SPTBN2: variants seen among roughly 807,000 people sequenced by gnomAD.
SPTBN2 encodes the protein spectrin beta chain, non-erythrocytic 2.
SPTBN2 carries 107 observed loss-of-function variants against 284.2 expected under a neutral mutation model. The ratio of observed to expected loss-of-function variants is 0.38; its 90% CI spans 0.32 to 0.44. SPTBN2 has a LOEUF of 0.44. SPTBN2 is among the 20% of genes least tolerant of loss of function. The pLI is 1.00. For missense variants in SPTBN2, 2,569 were observed against 3,287.1 expected (o/e 0.78, Z 5.34); for synonymous variants, 1,289 against 1,354.8 (o/e 0.95, Z 1.07).
chr11:66,720,968 T>G (rs2135558273), intron 3 of SPTBN2, 116 bp downstream of exon 3: 2 of 1,401,944 alleles, frequency 1.4e-6, no homozygotes, highest in East Asian at 2.5e-5. Flanking sequence ...TAGAGTGCTC[T>G]GGGTCTCCCA....
chr11:66,724,882 G>A (rs1209940793), intron 1 of SPTBN2, among the ~76,000 whole-genome samples: 1 of 152,156 alleles, frequency 6.6e-6, no homozygotes, highest in Non-Finnish European at 1.5e-5. Flanking sequence ...AGACTGCCAA[G>A]ACCACAGCCC....
At position 66,707,671 on chromosome 11, in the gene SPTBN2, T is replaced by G. The variant is rs1283156608; in HGVS notation, c.1498A>C (p.Lys500Gln). ...ELAAERYHDIKRIAARQHNVA... is the reference protein window; with the variant it reads ...ELAAERYHDIQRIAARQHNVA... ...TTGTGCTGCCGAGCGGCGATGCGCT[T>G]GATGTCGTGGTAGCGCTCGGCGGCC... Residue 500 changes from lysine (K) to glutamine (Q), a missense_variant, in exon 13 of 38, where the codon AAG becomes CAG. Lys to Gln is a moderately conservative substitution (Grantham distance 53). Transcript: ENST00000533211. The surrounding 1 kb of genome is among the most constrained non-coding windows in gnomAD (Gnocchi z 4.9). 1 of 1,607,014 alleles carries G rather than the reference T, an allele frequency of 6.2e-7. No individual in the cohort carries two copies. Among genetic ancestry groups the G allele is most frequent in the Admixed American group, 1.7e-5 (1 of 59,976 alleles).
chr11:66,715,261 C>T lies in SPTBN2; in HGVS notation c.444G>A (p.Leu148=). The T allele has an allele frequency of 6.2e-7, 1 of 1,614,248 alleles. No individual in the cohort carries two copies. Residue 148 remains leucine, a synonymous_variant, in exon 5 of 38, where the codon CTG becomes CTA. Coordinates refer to ENST00000533211, the MANE Select transcript of SPTBN2 (RefSeq NM_006946.4). This position sits in a 1 kb window ranked among gnomAD's most constrained non-coding sequence, Gnocchi z 5.3. ...TGATGGTCCAGACCAGCCCAAGGGT[C>T]AGTCGGTGGTTTCCGTCCACAATGT... ...SHDIVDGNHR[L]TLGLVWTIIL...
In SPTBN2 at chr11:66,701,691, G is replaced by A. The variant is rs1446171352; in HGVS notation, c.2709C>T (p.Thr903=). 1.9e-6 allele frequency: 3 copies of A among 1,614,020 alleles called. No individual in the cohort carries two copies. Among genetic ancestry groups the A allele is most frequent in the African/African-American group, 1.3e-5 (1 of 74,982 alleles). ...RFETLEPEMN[T]LAAQITAVND... ...TCACCGCGGTGATTTGTGCTGCAAG[G>A]GTGTTCATTTCAGGCTCCAGGGTCT... Residue 903 remains threonine (T), a synonymous_variant, in exon 16 of 38, where the codon ACC becomes ACT. Coordinates refer to ENST00000533211, the MANE Select transcript of SPTBN2 (RefSeq NM_006946.4).
At chr11:66,698,513 C>T (rs1488768266) in intron 20 of SPTBN2, 126 bp downstream of exon 20, 30 of 1,424,318 alleles carry the variant, frequency 2.1e-5, no homozygotes, top group Non-Finnish European at 2.8e-5. Context: ...CATAACTTTC[C>T]ACCATGGAGC....
At chr11:66,741,432 C>G (rs1249769591) in intron 1 of SPTBN2, among the ~76,000 whole-genome samples, 2 of 152,230 alleles carry the variant, frequency 1.3e-5, no homozygotes, top group African/African-American at 4.8e-5. Context: ...AATTAAAACT[C>G]TTTCCTTTAT....
At chr11:66,694,084 G>T in intron 22 of SPTBN2, 55 bp downstream of exon 22, 1 of 1,586,428 alleles carries the variant, frequency 6.3e-7, no homozygotes, top group Non-Finnish European at 8.6e-7. Context: ...CAGGAGGGAG[G>T]CTGGAGAACC....
Position 66,707,890 on chromosome 11 carries a change from G to C in SPTBN2, c.1351-72C>G. On this transcript the variant is annotated intron_variant, in intron 12 of 37. Transcript: ENST00000533211. This position sits in a 1 kb window ranked among gnomAD's most constrained non-coding sequence, Gnocchi z 4.9. The stretch of plus-strand genomic sequence containing the variant: ...CCTCTGCCTGCTCCTCTGTCCTGCA[G>C]GGCACTTGGCCTGCAAGATCCCAGC... 6.4e-7 allele frequency: 1 copy of C among 1,568,890 alleles called. No individual in the cohort carries two copies. Among genetic ancestry groups the C allele is most frequent in the African/African-American group, 1.3e-5 (1 of 74,292 alleles).
At chr11:66,686,794 G>T in intron 36 of SPTBN2, 200 bp downstream of exon 36, 3 of 727,078 alleles carry the variant, frequency 4.1e-6, no homozygotes, top group Non-Finnish European at 6.9e-6. Context: ...TCAGGCCTGG[G>T]TCTTGGTTCT....
chr11:66,693,201 G>A lies in SPTBN2; in HGVS notation c.4839C>T (p.Gly1613=). 2.5e-6 allele frequency: 4 copies of A among 1,614,206 alleles called. No homozygotes were observed. The highest frequency in any genetic ancestry group is 3.4e-6 in the Non-Finnish European group (4 of 1,180,040). The change falls in exon 24 of 38, where the codon GGC becomes GGT. Residue 1613 remains glycine, a synonymous_variant. Coordinates refer to ENST00000533211, the MANE Select transcript of SPTBN2 (RefSeq NM_006946.4). This position sits in a 1 kb window ranked among gnomAD's most constrained non-coding sequence, Gnocchi z 5.7. ...WMGEQELHMM[G]QEKAKDELSA... Reference sequence around the variant, plus strand: ...TGGCCCTCACCTTGGCCTTCTCCTGGCCCATCATGTGTAATTCCTGCTCGC... The same window carrying A: ...TGGCCCTCACCTTGGCCTTCTCCTGACCCATCATGTGTAATTCCTGCTCGC...
At chr11:66,709,914 G>A (rs959364830) in intron 10 of SPTBN2, among the ~76,000 whole-genome samples, 3 of 152,216 alleles carry the variant, frequency 2.0e-5, no homozygotes, top group African/African-American at 7.2e-5. Context: ...CCATGTTGCC[G>A]GTTGTGACCT....
intron 37 of SPTBN2, 103 bp from the exon 38 acceptor site, chr11:66,686,207 C>T (rs1463490060): frequency 2.1e-6 from 3 of 1,403,028 alleles, no homozygotes; most frequent in Non-Finnish European, 3.0e-6. Context: ...AGTGAGCTGA[C>T]TGTTTCATGC....
At chr11:66,704,005 C>T (rs1290070215) in intron 15 of SPTBN2, among the ~76,000 whole-genome samples, 1 of 138,130 alleles carries the variant, frequency 7.2e-6, no homozygotes, top group African/African-American at 2.7e-5. Context: ...GACAGTCTCG[C>T]TCTGTCGCCA....
In SPTBN2 at chr11:66,700,692, G is replaced by A; in HGVS notation, c.3407C>T (p.Ala1136Val). ...TCGTAGGAAGAGGCACTGGGGGTCA[G>A]CCTGGTCCCGGGTCACCTCCTCGCC... The part of the protein sequence containing the change: ...ALGEEVTRDQ[A>V]DPQCLFLRQR... The change falls in exon 17 of 38, where the codon GCT (alanine) becomes GTT (valine). Residue 1136 changes from alanine (A) to valine (V), a missense_variant. Ala to Val is a moderately conservative substitution (Grantham distance 64, BLOSUM62 0). Coordinates refer to ENST00000533211, the MANE Select transcript of SPTBN2 (RefSeq NM_006946.4). The surrounding 1 kb of genome is among the most constrained non-coding windows in gnomAD (Gnocchi z 6.6). 6.2e-7 allele frequency: 1 copy of A among 1,605,820 alleles called. No homozygotes were observed. The highest frequency in any genetic ancestry group is 8.5e-7 in the Non-Finnish European group (1 of 1,179,890).
At position 66,708,816 on chromosome 11, in the gene SPTBN2, G is replaced by A. The variant is rs1340894903; in HGVS notation, c.1191+86C>T. On this transcript the variant is annotated intron_variant, in intron 11 of 37. Transcript: ENST00000533211. This position sits in a 1 kb window ranked among gnomAD's most constrained non-coding sequence, Gnocchi z 4.4. ...CAGATAGTAGAACTTGGTGAAGGTC[G>A]ACATGGCCCCGGGTTTGGGGATGTG... 9 of 1,122,058 alleles carry A rather than the reference G, an allele frequency of 8.0e-6. No individual in the cohort carries two copies. Among genetic ancestry groups the A allele is most frequent in the East Asian group, 4.7e-5 (2 of 42,150 alleles). The allele number at this position is 1,122,058 out of a possible 1,614,324, so 69.5% of individuals were successfully genotyped here.
chr11:66,686,205 G>C, intron 37 of SPTBN2, 101 bp from the exon 38 acceptor site: 1 of 1,416,810 alleles, frequency 7.1e-7, no homozygotes. Flanking sequence ...AAAGTGAGCT[G>C]ACTGTTTCAT....
chr11:66,689,783 C>T (rs371898171), intron 29 of SPTBN2, 22 bp downstream of exon 29: 18 of 1,612,116 alleles, frequency 1.1e-5, no homozygotes, highest in African/African-American at 2.7e-5. Context: ...GAGAATGGCC[C>T]GGCCACCCAG....
chr11:66,698,603 A>T, intron 20 of SPTBN2, 36 bp downstream of exon 20: 1 of 1,613,460 alleles, frequency 6.2e-7, no homozygotes, highest in Non-Finnish European at 8.5e-7. Context: ...ACCATGGGGG[A>T]CTCTGCCCAG....
intron 3 of SPTBN2, 126 bp downstream of exon 3, chr11:66,720,958 T>TA: frequency 1.5e-6 from 2 of 1,302,924 alleles, no homozygotes; most frequent in Non-Finnish European, 1.1e-6. Flanking sequence ...AGGGAATTGA[T>TA]AGAGTGCTCT....
Sources: gnomAD v4.1 joint callset for allele counts (sites outside exome capture counted in the v4.1 genomes callset) on GRCh38, gnomAD v4.1.1 for gene constraint, Gnocchi (gnomAD v3.1) non-coding constraint, MANE v1.5 for transcripts, NCBI Gene and HGNC (gene_info 2026-07-23, HGNC 2026-07-21) for gene names.